ATG4A: variants seen among roughly 807,000 people sequenced by gnomAD.
The protein encoded by ATG4A is cysteine protease ATG4A.
In ATG4A, 22 loss-of-function variants were observed where a neutral mutation model predicts 38.4. That is an observed-to-expected ratio of 0.57 (90% CI 0.41 to 0.82). ATG4A has a LOEUF of 0.82. Ranked by LOEUF, ATG4A falls within the 40% of genes least tolerant of loss-of-function variation. The probability of loss-of-function intolerance (pLI) is 0.00; values close to 1 mark genes in which losing one functional copy is unlikely to be tolerated. For synonymous variants in ATG4A, 86 were observed against 100.7 expected (o/e 0.85, Z 0.88); for missense variants, 220 against 290.0 (o/e 0.76, Z 1.75).
chrX:108,124,818 T>C (rs769546247), intron 1 of ATG4A, among the ~76,000 whole-genome samples: 61 of 112,018 alleles, frequency 5.4e-4, no homozygotes, highest in Middle Eastern at 4.6e-3. Context: ...GAAAACAACA[T>C]GCCCTGGCCT....
chrX:108,141,096 A>C (rs1475937597), intron 9 of ATG4A, among the ~76,000 whole-genome samples: 2 of 80,850 alleles, frequency 2.5e-5, no homozygotes, highest in Non-Finnish European at 4.6e-5. Flanking sequence ...ATATATATAT[A>C]TATATATATA....
intron 1 of ATG4A, among the ~76,000 whole-genome samples, chrX:108,101,811 A>G (rs1186391502): frequency 9.2e-6 from 1 of 108,849 alleles, no homozygotes; most frequent in Non-Finnish European, 1.9e-5. Context: ...ATTTAGATAT[A>G]TAAGTGGAAT....
intron 1 of ATG4A, among the ~76,000 whole-genome samples, chrX:108,111,820 T>C (rs1404867801): frequency 9.0e-6 from 1 of 111,544 alleles, no homozygotes; most frequent in East Asian, 2.8e-4. Context: ...TATTAATTCT[T>C]TATTTTTTAA....
chrX:108,138,695 C>T (rs184659288), intron 9 of ATG4A, among the ~76,000 whole-genome samples: 5 of 111,895 alleles, frequency 4.5e-5, no homozygotes, highest in Admixed American at 3.8e-4. Context: ...CCCAACATTC[C>T]CTGCATAGGA....
upstream of ATG4A, among the ~76,000 whole-genome samples, chrX:108,091,169 G>C (rs1240827374): frequency 8.8e-6 from 1 of 113,441 alleles, no homozygotes; most frequent in Non-Finnish European, 1.9e-5. Flanking sequence ...AGACGTTCTA[G>C]AACTATCCAA....
upstream of ATG4A, chrX:108,091,777 C>A: frequency 5.8e-6 from 7 of 1,200,546 alleles, no homozygotes; most frequent in South Asian, 1.2e-4. Context: ...AGCGACCGTC[C>A]GTCCGTAGTC....
At chrX:108,129,082 C>T (rs1195928670) in intron 3 of ATG4A, among the ~76,000 whole-genome samples, 2 of 112,226 alleles carry the variant, frequency 1.8e-5, no homozygotes, top group African/African-American at 6.5e-5. Context: ...GACACCACCT[C>T]CAAGTGTTCA....
chrX:108,111,609 C>G (rs2032356452), intron 1 of ATG4A, among the ~76,000 whole-genome samples: 1 of 111,525 alleles, frequency 9.0e-6, no homozygotes, highest in Non-Finnish European at 1.9e-5. Context: ...GCCCTGCTTC[C>G]TCCATGAAGC....
At chrX:108,146,697 G>A (rs1021862160) in intron 9 of ATG4A, among the ~76,000 whole-genome samples, 1 of 111,534 alleles carries the variant, frequency 9.0e-6, no homozygotes, top group Admixed American at 9.5e-5. Context: ...GGATGAATAG[G>A]TCTGAAGTGA....
intron 6 of ATG4A, among the ~76,000 whole-genome samples, chrX:108,135,153 A>G (rs2033064572): frequency 8.9e-6 from 1 of 112,115 alleles, no homozygotes; most frequent in African/African-American, 3.2e-5. Flanking sequence ...CTCCTTCCTA[A>G]CAACCTATCA....
chrX:108,100,760 C>T (rs899232889), intron 1 of ATG4A, among the ~76,000 whole-genome samples: 3 of 111,801 alleles, frequency 2.7e-5, no homozygotes, highest in Admixed American at 9.5e-5. Flanking sequence ...GGATAAAACA[C>T]ATTTGGATGC....
upstream of ATG4A, among the ~76,000 whole-genome samples, chrX:108,090,927 T>C (rs1241942051): frequency 4.5e-5 from 5 of 111,320 alleles, no homozygotes; most frequent in African/African-American, 1.6e-4. Context: ...GAAAGCACCA[T>C]GTAAACTTCT....
At chrX:108,116,314 A>G (rs903291062) in intron 1 of ATG4A, among the ~76,000 whole-genome samples, 1 of 111,734 alleles carries the variant, frequency 8.9e-6, no homozygotes, top group Non-Finnish European at 1.9e-5. Context: ...AACATTTACT[A>G]ATGAGGTGCG....
chrX:108,102,600 AC>A (rs1181400145), intron 1 of ATG4A, among the ~76,000 whole-genome samples: 1 of 111,716 alleles, frequency 9.0e-6, no homozygotes, highest in Non-Finnish European at 1.9e-5. Flanking sequence ...GGTGTCATAT[AC>A]AAGAAATCAT....
At position 108,126,844 on chromosome X, in the gene ATG4A, G is replaced by A. The variant is rs1020913506; in HGVS notation, c.121+657G>A. 27 of 848,628 alleles carry A rather than the reference G, an allele frequency of 3.2e-5. No individual in the cohort carries two copies. In the African/African-American group the frequency reaches 5.0e-4, roughly 16 times the overall value. 69.9% of individuals were successfully genotyped at this position (848,628 alleles called of 1,213,427 possible). A position where few individuals can be genotyped will look rare whatever the true frequency, so the allele number is the denominator to read the frequency against. On this transcript the variant is annotated intron_variant, in intron 2 of 12. Coordinates refer to ENST00000372232, the MANE Select transcript of ATG4A (RefSeq NM_052936.5). ...GAAACTGCTAACAGCCCAGCACCCA[G>A]ATAAAGCCAGAGCTTGGAAAGAGGC...
At chrX:108,134,013 A>G (rs2148007366) in intron 4 of ATG4A, 44 bp from the exon 5 acceptor site, 1 of 1,005,635 alleles carries the variant, frequency 9.9e-7, no homozygotes, top group Non-Finnish European at 1.4e-6. Flanking sequence ...AGAGGAATAA[A>G]CAGTTATAAA....
chrX:108,134,038 A>ATTTT lies in ATG4A; in HGVS notation c.293-13_293-10dup. ...ACAGTTATAAAAATGTTTCTAACCC[A>ATTTT]TTTTTTTTTCTTAAAAAGACTGGAG... On this transcript the variant is annotated intron_variant, in intron 4 of 12. Coordinates refer to ENST00000372232, the MANE Select transcript of ATG4A (RefSeq NM_052936.5). The ATTTT allele has an allele frequency of 1.8e-6, 2 of 1,115,578 alleles. No homozygotes were observed. Among genetic ancestry groups the ATTTT allele is most frequent in the Admixed American group, 2.7e-5 (1 of 36,376 alleles). The allele number at this position is 1,115,578 out of a possible 1,213,427, so 91.9% of individuals were successfully genotyped here.
chrX:108,088,903 G>GA (rs201894843), upstream of ATG4A: 8 of 927,315 alleles, frequency 8.6e-6, no homozygotes, highest in African/African-American at 6.0e-5. Flanking sequence ...AAAAAAGCAA[G>GA]AAAAAAAATA....
At chrX:108,151,101 G>T (rs1257973087) in intron 10 of ATG4A, among the ~76,000 whole-genome samples, 1 of 112,022 alleles carries the variant, frequency 8.9e-6, no homozygotes, top group African/African-American at 3.3e-5. Flanking sequence ...TCACTAGGGA[G>T]AGATAAGGGA....
Sources: allele counts gnomAD v4.1 joint callset (sites outside exome capture counted in the v4.1 genomes callset), GRCh38; gene constraint gnomAD v4.1.1; transcripts MANE v1.5; gene names NCBI Gene and HGNC (gene_info 2026-07-23, HGNC 2026-07-21).